Variants in CNTNAP2 observed in about 807,000 individuals in gnomAD.
CNTNAP2 encodes contactin associated protein 2.
A neutral mutation model predicts 155.2 loss-of-function variants in CNTNAP2; 98 were observed. The observed-to-expected ratio is 0.63, with a 90% confidence interval of 0.54 to 0.75. CNTNAP2 has a LOEUF of 0.75. Ranked by LOEUF, CNTNAP2 falls within the 30% of genes least tolerant of loss-of-function variation. The pLI is 0.00. For missense variants in CNTNAP2, 1,727 were observed against 1,688.1 expected, an observed-to-expected ratio of 1.02 and a Z score of -0.40; for synonymous variants, 651 against 631.2, an observed-to-expected ratio of 1.03 and a Z score of -0.47.
At chr7:146,945,304 A>G (rs1797140972) in intron 3 of CNTNAP2, among the ~76,000 whole-genome samples, 1 of 152,160 alleles carries the variant, frequency 6.6e-6, no homozygotes, top group Non-Finnish European at 1.5e-5. Flanking sequence ...GCTATGGTTA[A>G]ATAGAAATAA....
chr7:146,455,517 T>G (rs1526145), intron 1 of CNTNAP2, among the ~76,000 whole-genome samples: 45,741 of 152,056 alleles, frequency 0.3, 7,202 homozygotes, highest in Admixed American at 0.41. Context: ...GAGAATGAGG[T>G]CAGGCATCTG....
chr7:146,347,912 T>G (rs530933887), intron 1 of CNTNAP2, among the ~76,000 whole-genome samples: 193 of 152,238 alleles, frequency 1.3e-3, no homozygotes, highest in Non-Finnish European at 2.1e-3. Context: ...CACAGGAAAT[T>G]CTTTAAATGT....
intron 13 of CNTNAP2, among the ~76,000 whole-genome samples, chr7:147,807,264 A>G (rs1798105244): frequency 7.1e-6 from 1 of 140,504 alleles, no homozygotes; most frequent in African/African-American, 2.6e-5. Flanking sequence ...TTGAGGCTTC[A>G]GTGAGCCATG....
At chr7:148,022,206 C>T (rs1235368099) in intron 15 of CNTNAP2, among the ~76,000 whole-genome samples, 2 of 151,930 alleles carry the variant, frequency 1.3e-5, no homozygotes, top group African/African-American at 4.8e-5. Context: ...ATGTGGCTCA[C>T]GCCTGTAATC....
intron 2 of CNTNAP2, among the ~76,000 whole-genome samples, chr7:146,792,331 T>C (rs991063783): frequency 4.6e-5 from 7 of 152,050 alleles, no homozygotes; most frequent in African/African-American, 1.7e-4. Context: ...ATGGCATGAA[T>C]AAAACAAAGC....
intron 15 of CNTNAP2, among the ~76,000 whole-genome samples, chr7:148,099,111 G>A (rs991416684): frequency 2.0e-5 from 3 of 152,130 alleles, no homozygotes; most frequent in African/African-American, 4.8e-5. Context: ...TTGTGGAAGC[G>A]ACGAAACCCA....
At chr7:147,221,668 ACTT>A (rs756613863) in intron 8 of CNTNAP2, among the ~76,000 whole-genome samples, 8 of 152,232 alleles carry the variant, frequency 5.3e-5, no homozygotes, top group Non-Finnish European at 1.0e-4. Context: ...ATCTTTACTT[ACTT>A]CTTCTTTGAT....
chr7:147,394,153 T>A (rs1796769849), intron 9 of CNTNAP2, among the ~76,000 whole-genome samples: 1 of 151,884 alleles, frequency 6.6e-6, no homozygotes, highest in Non-Finnish European at 1.5e-5. Context: ...TCTGATGGTT[T>A]TATAAGAGTC....
intron 1 of CNTNAP2, among the ~76,000 whole-genome samples, chr7:146,735,281 G>C (rs1283724994): frequency 6.6e-6 from 1 of 152,132 alleles, no homozygotes; most frequent in Non-Finnish European, 1.5e-5. Flanking sequence ...GGCCAGGCAC[G>C]GTGGCTCACG....
intron 3 of CNTNAP2, among the ~76,000 whole-genome samples, chr7:146,865,867 T>C (rs1344331076): frequency 6.6e-6 from 1 of 152,044 alleles, no homozygotes; most frequent in Non-Finnish European, 1.5e-5. Context: ...AATACACAAA[T>C]ACAGTAAAAG....
intron 21 of CNTNAP2, among the ~76,000 whole-genome samples, chr7:148,335,888 G>A (rs1473093458): frequency 6.6e-6 from 1 of 151,592 alleles, no homozygotes; most frequent in Non-Finnish European, 1.5e-5. Context: ...ACAAATTAGT[G>A]CTCAGTTCTC....
intron 1 of CNTNAP2, among the ~76,000 whole-genome samples, chr7:146,764,247 T>C (rs71530758): frequency 0.12 from 18,590 of 152,110 alleles, 1,519 homozygotes; most frequent in African/African-American, 0.23. Flanking sequence ...TATTAAAAGT[T>C]CTAGGTAGCT....
chr7:147,055,270 T>C (rs2129260200), intron 4 of CNTNAP2, among the ~76,000 whole-genome samples: 1 of 152,316 alleles, frequency 6.6e-6, no homozygotes, highest in South Asian at 2.1e-4. Context: ...ACTTATCAGC[T>C]AGATGACCAT....
intron 12 of CNTNAP2, among the ~76,000 whole-genome samples, chr7:147,578,443 C>A (rs1800438456): frequency 6.6e-6 from 1 of 152,072 alleles, no homozygotes; most frequent in Non-Finnish European, 1.5e-5. Flanking sequence ...TTGTCTTTGG[C>A]TCTACAGACA....
chr7:148,049,331 A>T (rs1802839568), intron 15 of CNTNAP2, among the ~76,000 whole-genome samples: 1 of 152,272 alleles, frequency 6.6e-6, no homozygotes, highest in Non-Finnish European at 1.5e-5. Flanking sequence ...TTTGAAGGGA[A>T]CAGTTATTAT....
chr7:146,129,681 G>C (rs1797687349), intron 1 of CNTNAP2, among the ~76,000 whole-genome samples: 1 of 152,164 alleles, frequency 6.6e-6, no homozygotes, highest in South Asian at 2.1e-4. Flanking sequence ...CTACATTTTA[G>C]TTTAAAAATT....
intron 1 of CNTNAP2, among the ~76,000 whole-genome samples, chr7:146,131,374 A>T (rs1342715607): frequency 6.6e-6 from 1 of 152,218 alleles, no homozygotes; most frequent in Admixed American, 6.5e-5. Context: ...TATACAGAGT[A>T]AACTGATTAC....
At chr7:147,451,064 T>C (rs1797824645) in intron 10 of CNTNAP2, among the ~76,000 whole-genome samples, 1 of 152,174 alleles carries the variant, frequency 6.6e-6, no homozygotes, top group South Asian at 2.1e-4. Flanking sequence ...CTGGAATATC[T>C]CATTTCTTCC....
At chr7:147,247,650 C>A (rs1003465911) in intron 8 of CNTNAP2, among the ~76,000 whole-genome samples, 1 of 152,114 alleles carries the variant, frequency 6.6e-6, no homozygotes, top group African/African-American at 2.4e-5. Context: ...GACAGAGATA[C>A]ATTGCTGTTA....
Sources: gnomAD v4.1 joint callset for allele counts (sites outside exome capture counted in the v4.1 genomes callset) on GRCh38, gnomAD v4.1.1 for gene constraint, MANE v1.5 for transcripts, NCBI Gene and HGNC (gene_info 2026-07-23, HGNC 2026-07-21) for gene names.